The following CCDC144A variants were observed in gnomAD, a reference collection of about 807,000 sequenced individuals.
CCDC144A encodes the protein coiled-coil domain-containing protein 144A.
CCDC144A carries 41 observed loss-of-function variants against 143.8 expected under a neutral mutation model. That is an observed-to-expected ratio of 0.29 (90% CI 0.22 to 0.37). CCDC144A has a LOEUF of 0.37. Ranked by LOEUF, CCDC144A falls within the 10% of genes least tolerant of loss-of-function variation. The pLI, the probability that CCDC144A is intolerant of heterozygous loss-of-function variation, is 1.00. For missense variants in CCDC144A, 637 were observed against 1,488.8 expected, an observed-to-expected ratio of 0.43 and a Z score of 9.41; for synonymous variants, 242 against 517.9, an observed-to-expected ratio of 0.47 and a Z score of 7.23.
chr17:16,750,924 A>G (rs968092036), intron 12 of CCDC144A, among the ~76,000 whole-genome samples: 2 of 152,006 alleles, frequency 1.3e-5, no homozygotes, highest in Admixed American at 1.3e-4. Flanking sequence ...CAACTTTTGG[A>G]TGGTTATACT....
chr17:16,687,357 G>A (rs1203225918), upstream of CCDC144A, among the ~76,000 whole-genome samples: 4 of 144,546 alleles, frequency 2.8e-5, no homozygotes, highest in East Asian at 2.2e-4. Flanking sequence ...CCCCTCCCCC[G>A]CCGCCCCCCG....
At chr17:16,764,964 A>C (rs1295706565) in intron 15 of CCDC144A, 1 of 123,270 alleles carries the variant, frequency 8.1e-6, no homozygotes, top group Non-Finnish European at 1.6e-5. Context: ...AAATGTGACC[A>C]AACAGAATCA....
At chr17:16,675,847 A>G in the CCDC144A span, among the ~76,000 whole-genome samples, 9 of 151,780 alleles carry the variant, frequency 5.9e-5, no homozygotes, top group African/African-American at 2.2e-4. Flanking sequence ...GGTTCACGCC[A>G]TTCTCCTGCC....
chr17:16,667,666 G>T, the CCDC144A span, among the ~76,000 whole-genome samples: 2 of 152,000 alleles, frequency 1.3e-5, no homozygotes, highest in African/African-American at 4.8e-5. Context: ...GCATTCTATT[G>T]GCAAGAATGT....
intron 8 of CCDC144A, among the ~76,000 whole-genome samples, chr17:16,723,973 C>G (rs1214770811): frequency 6.6e-6 from 1 of 151,864 alleles, no homozygotes; most frequent in Non-Finnish European, 1.5e-5. Context: ...CTAATATAGA[C>G]ATTAAGTGCT....
intron 6 of CCDC144A, among the ~76,000 whole-genome samples, chr17:16,713,643 C>T (rs905181757): frequency 3.9e-5 from 6 of 152,012 alleles, no homozygotes; most frequent in Admixed American, 3.9e-4. Flanking sequence ...TGATAATCAG[C>T]TTATATAATC....
At position 16,690,510 on chromosome 17, in the gene CCDC144A, A is replaced by C. The variant is rs199720294; in HGVS notation, c.110A>C (p.Tyr37Ser). Reference protein sequence around the residue: ...PSVGSQGDQWYLGYPGDQWSS... With the variant: ...PSVGSQGDQWSLGYPGDQWSS... ...GTCGGGAGCCAGGGGGACCAGTGGT[A>C]CTTGGGCTACCCGGGGGACCAGTGG... Residue 37 changes from tyrosine (Y) to serine (S), a missense_variant, in exon 1 of 17, where the codon TAC (tyrosine) becomes TCC (serine). Tyr to Ser is a moderately radical substitution (Grantham distance 144). Transcript: ENST00000399273. 5 of 1,611,090 alleles carry C rather than the reference A, an allele frequency of 3.1e-6. No individual in the cohort carries two copies. The South Asian group carries it at 5.5e-5, about 18-fold the overall frequency.
rs943273578 is a variant in CCDC144A, at chr17:16,776,586, T to C, written c.*2953T>C. 9 of 152,240 alleles carry C rather than the reference T, an allele frequency of 5.9e-5. No homozygotes were observed. Among genetic ancestry groups the C allele is most frequent in the African/African-American group, 2.2e-4 (9 of 41,444 alleles). The allele number at this position is 152,240 out of a possible 1,614,324, so 9.4% of individuals were successfully genotyped here. On this transcript the variant is annotated 3_prime_UTR_variant, in exon 17 of 17. Transcript: ENST00000399273. ...GACTTTGTTGAAGTTGCTTATCAGC[T>C]AAGAAGTTTTTGAGCTGAGATGATG...
intron 16 of CCDC144A, chr17:16,772,733 C>T (rs77007204): frequency 0.084 from 134,700 of 1,597,210 alleles, 4,895 homozygotes; most frequent in South Asian, 0.25. Flanking sequence ...ATGCCTCCAC[C>T]GAAAAGCCTA....
intron 15 of CCDC144A, among the ~76,000 whole-genome samples, chr17:16,771,300 C>T (rs1377656467): frequency 1.3e-5 from 2 of 152,232 alleles, no homozygotes; most frequent in Non-Finnish European, 2.9e-5. Context: ...ATTCTAGACA[C>T]TCATGAATCA....
chr17:16,674,475 A>T, the CCDC144A span, among the ~76,000 whole-genome samples: 1 of 149,840 alleles, frequency 6.7e-6, no homozygotes, highest in Non-Finnish European at 1.5e-5. Context: ...GTTAAAAAAA[A>T]TTTTAAGTGA....
chr17:16,671,004 T>C, the CCDC144A span, among the ~76,000 whole-genome samples: 1 of 152,192 alleles, frequency 6.6e-6, no homozygotes, highest in African/African-American at 2.4e-5. Context: ...TTTTTTTTTT[T>C]TGAGACACCA....
intron 6 of CCDC144A, among the ~76,000 whole-genome samples, chr17:16,719,672 G>A (rs1912974097): frequency 6.6e-6 from 1 of 151,770 alleles, no homozygotes; most frequent in Admixed American, 6.6e-5. Context: ...TTGTTATGAG[G>A]ATTATATGAG....
chr17:16,731,058 C>T (rs1254248723), intron 9 of CCDC144A, among the ~76,000 whole-genome samples: 1 of 151,348 alleles, frequency 6.6e-6, no homozygotes, highest in Non-Finnish European at 1.5e-5. Context: ...TATTTTATTC[C>T]ATATCTCTCA....
rs932804372 is a variant in CCDC144A at position 16,761,329 on chromosome 17, A to T, written c.3373-96A>T. On this transcript the variant is annotated intron_variant, in intron 12 of 16. Transcript: ENST00000399273. ...GGCCTGGGCGACAGAGCGAGACTCC[A>T]TCTCAAAAAAAAAAAAAAAAAAATT... 19 of 1,407,290 alleles carry T rather than the reference A, an allele frequency of 1.4e-5. No individual in the cohort carries two copies. The African/African-American group carries it at 3.1e-4, about 23-fold the overall frequency. The allele number at this position is 1,407,290 out of a possible 1,614,324, so 87.2% of individuals were successfully genotyped here.
At chr17:16,748,881 T>C (rs1255620266) in intron 12 of CCDC144A, among the ~76,000 whole-genome samples, 1 of 152,198 alleles carries the variant, frequency 6.6e-6, no homozygotes, top group East Asian at 1.9e-4. Context: ...GTGGTGTTCA[T>C]TGTAGTCTCT....
At chr17:16,698,311 G>T (rs962369523) in intron 2 of CCDC144A, among the ~76,000 whole-genome samples, 2 of 152,034 alleles carry the variant, frequency 1.3e-5, no homozygotes, top group African/African-American at 4.8e-5. Context: ...CAAGGAGGGA[G>T]TATCAATTCT....
chr17:16,770,461 A>T (rs926858945), intron 15 of CCDC144A, among the ~76,000 whole-genome samples: 3 of 151,926 alleles, frequency 2.0e-5, no homozygotes, highest in Admixed American at 6.5e-5. Context: ...AGTTATTTTT[A>T]AAAATCTGTA....
chr17:16,674,339 G>T, the CCDC144A span, among the ~76,000 whole-genome samples: 1 of 152,076 alleles, frequency 6.6e-6, no homozygotes, highest in Non-Finnish European at 1.5e-5. Context: ...GCTGGAGCCG[G>T]AAAAGTTGAG....
Sources: allele counts gnomAD v4.1 joint callset (sites outside exome capture counted in the v4.1 genomes callset), GRCh38; gene constraint gnomAD v4.1.1; transcripts MANE v1.5; gene names NCBI Gene and HGNC (gene_info 2026-07-23, HGNC 2026-07-21).